Variants in SMCO4 observed in about 807,000 individuals in gnomAD.
SMCO4 encodes single-pass membrane and coiled-coil domain-containing protein 4.
SMCO4 carries 4 observed loss-of-function variants against 3.6 expected under a neutral mutation model. That is an observed-to-expected ratio of 1.11 (90% CI 0.54 to 2.53). SMCO4 has a LOEUF of 2.53. SMCO4 is among the 30% of genes most tolerant of loss of function. The pLI is 0.02. For synonymous variants in SMCO4, 36 were observed against 35.3 expected, an observed-to-expected ratio of 1.02 and a Z score of -0.07; for missense variants, 70 against 80.8, an observed-to-expected ratio of 0.87 and a Z score of 0.51.
intron 1 of SMCO4, among the ~76,000 whole-genome samples, chr11:93,522,895 A>G (rs908610067): frequency 2.6e-5 from 4 of 152,206 alleles, no homozygotes; most frequent in Non-Finnish European, 5.9e-5. Context: ...CACAGCAATA[A>G]GAGGGCTATC....
At position 93,479,578 on chromosome 11, in the gene SMCO4, G is replaced by A. The variant is rs554750308; in HGVS notation, c.-80-309C>T. Among the ~76,000 whole-genome samples the A allele has an allele frequency of 1.9e-4, 29 of 152,268 alleles. No homozygotes were observed. The South Asian group carries it at 3.1e-3, about 16-fold the overall frequency. ...AGGATTGGGAAGCACCAACTACGCCGCCTCCACTCAGAGGAGCGGCTCTCC... is the reference window on the plus strand; with the variant it reads ...AGGATTGGGAAGCACCAACTACGCCACCTCCACTCAGAGGAGCGGCTCTCC... On this transcript the variant is annotated intron_variant, in intron 2 of 2. Coordinates refer to ENST00000298966, the MANE Select transcript of SMCO4 (RefSeq NM_020179.3).
At chr11:93,508,847 A>G (rs1948932268) in intron 1 of SMCO4, among the ~76,000 whole-genome samples, 2 of 152,200 alleles carry the variant, frequency 1.3e-5, no homozygotes, top group African/African-American at 4.8e-5. Context: ...GAGGTGGGAA[A>G]AGAAGGAGCA....
chr11:93,489,876 C>A (rs1203340112), intron 2 of SMCO4, among the ~76,000 whole-genome samples: 1 of 152,146 alleles, frequency 6.6e-6, no homozygotes, highest in Non-Finnish European at 1.5e-5. Context: ...AACTAAGCCA[C>A]ATCCCTCCCT....
chr11:93,530,988 T>C (rs1040656806), intron 1 of SMCO4, among the ~76,000 whole-genome samples: 4 of 152,200 alleles, frequency 2.6e-5, no homozygotes, highest in African/African-American at 9.7e-5. Context: ...TCTTTGCAGA[T>C]ATAATATTTT....
intron 2 of SMCO4, among the ~76,000 whole-genome samples, chr11:93,485,476 T>C (rs1343833649): frequency 6.6e-6 from 1 of 152,264 alleles, no homozygotes; most frequent in Non-Finnish European, 1.5e-5. Context: ...AACCATCACA[T>C]GTGGCCTTTG....
At chr11:93,498,341 G>A (rs1948798755) in intron 2 of SMCO4, among the ~76,000 whole-genome samples, 1 of 152,242 alleles carries the variant, frequency 6.6e-6, no homozygotes, top group Non-Finnish European at 1.5e-5. Flanking sequence ...GGGGCAGGGA[G>A]GTGGGTTAAG....
chr11:93,525,656 C>A (rs991538131), intron 1 of SMCO4, among the ~76,000 whole-genome samples: 3 of 152,192 alleles, frequency 2.0e-5, no homozygotes, highest in African/African-American at 7.2e-5. Context: ...AGAGTGCTTG[C>A]TGCCAAACTC....
chr11:93,491,171 C>T lies in SMCO4; in HGVS notation c.-81+8105G>A, dbSNP rs540948386. Among the ~76,000 whole-genome samples the T allele has an allele frequency of 5.9e-5, 9 of 152,346 alleles. No homozygotes were observed. The East Asian group carries it at 9.6e-4, about 16-fold the overall frequency. On this transcript the variant is annotated intron_variant, in intron 2 of 2. Coordinates refer to ENST00000298966, the MANE Select transcript of SMCO4 (RefSeq NM_020179.3). Reference sequence around the variant, plus strand: ...CATGGCTAATTCATCACTTCCTTAACGGCAGCTCAACTCCAAGGCAAGGCT... The same window carrying T: ...CATGGCTAATTCATCACTTCCTTAATGGCAGCTCAACTCCAAGGCAAGGCT...
intron 1 of SMCO4, among the ~76,000 whole-genome samples, chr11:93,525,832 C>T (rs1164356254): frequency 6.6e-6 from 1 of 152,184 alleles, no homozygotes; most frequent in Non-Finnish European, 1.5e-5. Context: ...CCTGCATGGG[C>T]CCCTGCTTTC....
Position 93,498,221 on chromosome 11 carries a change from T to C in SMCO4, c.-81+1055A>G, listed in dbSNP as rs543443508. 4.6e-5 allele frequency among the ~76,000 whole-genome samples: 7 copies of C among 152,364 alleles called. No homozygotes were observed. The South Asian group carries it at 1.2e-3, about 27-fold the overall frequency. ...CTATGCTTTGTCCCTCTGGCTATGA[T>C]GCATAAACTCATAAAATTAATAAGA... On this transcript the variant is annotated intron_variant, in intron 2 of 2. Coordinates refer to ENST00000298966, the MANE Select transcript of SMCO4 (RefSeq NM_020179.3).
chr11:93,485,287 C>A (rs1305050918), intron 2 of SMCO4, among the ~76,000 whole-genome samples: 2 of 152,238 alleles, frequency 1.3e-5, no homozygotes, highest in Non-Finnish European at 2.9e-5. Flanking sequence ...CCTAAGCCTT[C>A]ACAGCCCAGC....
intron 1 of SMCO4, among the ~76,000 whole-genome samples, chr11:93,538,436 G>A (rs918277274): frequency 1.3e-5 from 2 of 152,188 alleles, no homozygotes; most frequent in African/African-American, 2.4e-5. Flanking sequence ...CCAGGAAGGC[G>A]TCTTCCCTTC....
At chr11:93,542,546 G>C (rs1468649757) in intron 1 of SMCO4, among the ~76,000 whole-genome samples, 1 of 152,166 alleles carries the variant, frequency 6.6e-6, no homozygotes, top group Admixed American at 6.5e-5. Context: ...TGGCCGCTGG[G>C]GAGGGGCGGT....
At chr11:93,491,875 C>G (rs1047085794) in intron 2 of SMCO4, among the ~76,000 whole-genome samples, 1 of 152,188 alleles carries the variant, frequency 6.6e-6, no homozygotes, top group South Asian at 2.1e-4. Context: ...AGCCCCTTCT[C>G]CCCTAGACAC....
upstream of SMCO4, among the ~76,000 whole-genome samples, chr11:93,546,019 A>G (rs1949313237): frequency 6.6e-6 from 1 of 152,254 alleles, no homozygotes; most frequent in African/African-American, 2.4e-5. Flanking sequence ...AAAGCCAGCC[A>G]AAAATAGTCC....
intron 1 of SMCO4, among the ~76,000 whole-genome samples, chr11:93,518,371 C>T (rs1949028371): frequency 6.6e-6 from 1 of 152,182 alleles, no homozygotes; most frequent in South Asian, 2.1e-4. Context: ...GGACACCTGG[C>T]TGAGTTACTT....
At chr11:93,532,208 T>A (rs1949169406) in intron 1 of SMCO4, among the ~76,000 whole-genome samples, 1 of 152,214 alleles carries the variant, frequency 6.6e-6, no homozygotes, top group Non-Finnish European at 1.5e-5. Flanking sequence ...CCTAATCCAA[T>A]GACTAGTGTC....
chr11:93,512,531 T>TCTTTTATACTATATTTTTATTGTAC (rs1349353427), intron 1 of SMCO4, among the ~76,000 whole-genome samples: 9 of 152,212 alleles, frequency 5.9e-5, no homozygotes, highest in African/African-American at 2.2e-4. Context: ...ATTTTTCAAA[T>TCTTTTATACTATATTTTTATTGTAC]CTTTTATACT....
chr11:93,514,419 T>TAG (rs201902947), intron 1 of SMCO4, among the ~76,000 whole-genome samples: 2 of 42,568 alleles, frequency 4.7e-5, no homozygotes, highest in African/African-American at 1.5e-4. Flanking sequence ...TATATATATA[T>TAG]ATAAAATTTG....
Sources: gnomAD v4.1 joint callset for allele counts (sites outside exome capture counted in the v4.1 genomes callset) on GRCh38, gnomAD v4.1.1 for gene constraint, MANE v1.5 for transcripts, NCBI Gene and HGNC (gene_info 2026-07-23, HGNC 2026-07-21) for gene names.